The following NKIRAS1 variants were observed in gnomAD, a reference collection of about 807,000 sequenced individuals.
NKIRAS1 encodes NF-kappa-B inhibitor-interacting Ras-like protein 1.
NKIRAS1 carries 16 observed loss-of-function variants against 19.8 expected under a neutral mutation model. That is an observed-to-expected ratio of 0.81 (90% confidence interval 0.55 to 1.23). The LOEUF is 1.23. NKIRAS1 is among the 50% of genes most tolerant of loss of function. The probability of loss-of-function intolerance (pLI) is 0.00; values close to 1 mark genes in which losing one functional copy is unlikely to be tolerated. For missense variants in NKIRAS1, 184 were observed against 220.0 expected, an observed-to-expected ratio of 0.84 and a Z score of 1.04; for synonymous variants, 88 against 79.0, an observed-to-expected ratio of 1.11 and a Z score of -0.61.
At chr3:23,919,877 T>A, upstream of NKIRAS1, 1 of 999,566 alleles carries the variant, frequency 1.0e-6, no homozygotes. Flanking sequence ...GCTGGTTTAT[T>A]TTCAAGTGGC....
At chr3:23,919,387 A>C (rs781215865), upstream of NKIRAS1, 2 of 1,602,904 alleles carry the variant, frequency 1.2e-6, no homozygotes, top group Non-Finnish European at 1.7e-6. Context: ...TGACATCTGC[A>C]GGCCGAAAGA....
chr3:23,920,221 C>A, upstream of NKIRAS1: 1 of 985,786 alleles, frequency 1.0e-6, no homozygotes, highest in Non-Finnish European at 1.2e-6. Context: ...AAATACTTAA[C>A]CGTAATGCTA....
chr3:23,921,934 A>C, upstream of NKIRAS1: 1 of 285,076 alleles, frequency 3.5e-6, no homozygotes, highest in Non-Finnish European at 6.5e-6. Flanking sequence ...GTCTCAAACT[A>C]CTGGCCTCAA....
chr3:23,932,531 A>G (rs1705335956), intron 1 of NKIRAS1, among the ~76,000 whole-genome samples: 1 of 152,002 alleles, frequency 6.6e-6, no homozygotes, highest in South Asian at 2.1e-4. Flanking sequence ...TCTACTAAAA[A>G]AACAAAATTA....
intron 1 of NKIRAS1, among the ~76,000 whole-genome samples, chr3:23,924,547 G>A (rs1705177040): frequency 6.6e-6 from 1 of 152,142 alleles, no homozygotes; most frequent in Non-Finnish European, 1.5e-5. Flanking sequence ...TGGGATTACA[G>A]GTGTGCGCCA....
chr3:23,923,573 T>C (rs973457698), intron 1 of NKIRAS1: 9 of 152,222 alleles, frequency 5.9e-5, no homozygotes, highest in African/African-American at 2.2e-4. Flanking sequence ...GGATGTACCA[T>C]GATTCATTGG....
At chr3:23,946,150 G>T in intron 1 of NKIRAS1, 3 of 985,282 alleles carry the variant, frequency 3.0e-6, no homozygotes, top group Non-Finnish European at 3.6e-6. Flanking sequence ...TGCACACTGC[G>T]GAGGAGGCCG....
At chr3:23,934,170 G>A (rs1210616562) in intron 1 of NKIRAS1, among the ~76,000 whole-genome samples, 1 of 152,124 alleles carries the variant, frequency 6.6e-6, no homozygotes, top group African/African-American at 2.4e-5. Context: ...ATGGGGGAAG[G>A]TTTGTCTGTA....
At chr3:23,933,985 T>C (rs1403844192) in intron 1 of NKIRAS1, among the ~76,000 whole-genome samples, 1 of 152,172 alleles carries the variant, frequency 6.6e-6, no homozygotes, top group Non-Finnish European at 1.5e-5. Flanking sequence ...TCATGAGGGG[T>C]CTGCCCTCGT....
In NKIRAS1 at chr3:23,893,297, T is replaced by C. The variant is rs915544668; in HGVS notation, c.377A>G (p.Glu126Gly). 9 of 1,613,456 alleles carry C rather than the reference T, an allele frequency of 5.6e-6. No individual in the cohort carries two copies. Among genetic ancestry groups the C allele is most frequent in the African/African-American group, 1.3e-5 (1 of 74,884 alleles). ...CACTTCAGCGTCCACTTGTCTCTGCTCAGAAAGGTCGATTTTGTTTCCTAA... is the reference window on the plus strand; with the variant it reads ...CACTTCAGCGTCCACTTGTCTCTGCCCAGAAAGGTCGATTTTGTTTCCTAA... ...VVLGNKIDLS[E>G]QRQVDAEVAQ... Residue 126 changes from glutamate (E) to glycine (G), a missense_variant, in exon 5 of 5, where the codon GAG (glutamate) becomes GGG (glycine). Glu to Gly is a moderately conservative substitution (Grantham distance 98). Transcript: ENST00000425478.
rs1701490153 is a variant in NKIRAS1 at position 23,891,796 on chromosome 3, A to T, written c.*1299T>A. On this transcript the variant is annotated 3_prime_UTR_variant, in exon 5 of 5. Coordinates refer to ENST00000425478, the MANE Select transcript of NKIRAS1 (RefSeq NM_020345.4). ...AAGTTGCATTAGTAGGAAACAAAGC[A>T]AACTGGAAGGTACTTATTTAAAAAT... 1 of 152,238 alleles carries T rather than the reference A, an allele frequency of 6.6e-6. No homozygotes were observed. The highest frequency in any genetic ancestry group is 2.1e-4 in the South Asian group (1 of 4,832). The allele number at this position is 152,238 out of a possible 1,614,324, so 9.4% of individuals were successfully genotyped here. A position where few individuals can be genotyped will look rare whatever the true frequency, so the allele number is the denominator to read the frequency against.
intron 1 of NKIRAS1, among the ~76,000 whole-genome samples, chr3:23,925,455 G>A (rs939059987): frequency 2.6e-5 from 4 of 152,148 alleles, no homozygotes; most frequent in African/African-American, 7.2e-5. Flanking sequence ...GCAAGATGGC[G>A]AAACCCGTCT....
At chr3:23,928,637 G>A (rs1298146854) in intron 1 of NKIRAS1, among the ~76,000 whole-genome samples, 1 of 150,854 alleles carries the variant, frequency 6.6e-6, no homozygotes, top group Non-Finnish European at 1.5e-5. Flanking sequence ...ACCGACAAGG[G>A]CATGAGGAAG....
chr3:23,898,807 G>T (rs1348355864), intron 4 of NKIRAS1, among the ~76,000 whole-genome samples: 1 of 152,098 alleles, frequency 6.6e-6, no homozygotes, highest in African/African-American at 2.4e-5. Flanking sequence ...CCAGTCCAGG[G>T]CCTGTTAGGA....
At chr3:23,909,864 G>GGTTTGT (rs1488953751) in intron 3 of NKIRAS1, among the ~76,000 whole-genome samples, 241 of 135,560 alleles carry the variant, frequency 1.8e-3, no homozygotes, top group African/African-American at 6.4e-3. Context: ...GTTTTTTTTT[G>GGTTTGT]TTTTTTTTTT....
chr3:23,936,082 CA>C (rs35945213), intron 1 of NKIRAS1, among the ~76,000 whole-genome samples: 2,136 of 63,752 alleles, frequency 0.034, 18 homozygotes, highest in African/African-American at 0.052. Context: ...GACCCTGTCT[CA>C]AAAAAAAAAA....
At chr3:23,893,434 A>G (rs1701633276) in intron 4 of NKIRAS1, 97 bp from the exon 5 acceptor site, 1 of 1,009,800 alleles carries the variant, frequency 9.9e-7, no homozygotes, top group Non-Finnish European at 1.5e-6. Context: ...CACTTAACAA[A>G]CCTGCTTCAT....
intron 3 of NKIRAS1, among the ~76,000 whole-genome samples, chr3:23,902,299 A>T (rs1222689949): frequency 1.3e-5 from 2 of 152,222 alleles, no homozygotes; most frequent in African/African-American, 2.4e-5. Flanking sequence ...CACAAGTATT[A>T]GATTAAAAGG....
chr3:23,910,219 A>T (rs1274380926), intron 3 of NKIRAS1, among the ~76,000 whole-genome samples: 1 of 144,210 alleles, frequency 6.9e-6, no homozygotes, highest in African/African-American at 2.6e-5. Flanking sequence ...GTGTAGTAAC[A>T]CCATCTTGGC....
Sources: gnomAD v4.1 joint callset for allele counts (sites outside exome capture counted in the v4.1 genomes callset) on GRCh38, gnomAD v4.1.1 for gene constraint, MANE v1.5 for transcripts, NCBI Gene and HGNC (gene_info 2026-07-23, HGNC 2026-07-21) for gene names.